The following FOXR1 variants were observed in gnomAD, a reference collection of about 807,000 sequenced individuals.
FOXR1 encodes forkhead box R1.
FOXR1 carries 25 observed loss-of-function variants against 34.5 expected under a neutral mutation model. The observed-to-expected ratio is 0.72, with a 90% CI of 0.53 to 1.01. FOXR1 has a LOEUF of 1.01. Among genes scored for constraint, FOXR1 ranks in the 50% least tolerant of loss-of-function variants. The pLI, the probability that FOXR1 is intolerant of heterozygous loss-of-function variation, is 0.00. For synonymous variants in FOXR1, 153 were observed against 141.6 expected (o/e 1.08, Z -0.57); for missense variants, 373 against 376.2 (o/e 0.99, Z 0.07).
At position 118,979,456 on chromosome 11, in the gene FOXR1, G is replaced by C. The variant is rs1260984763; in HGVS notation, c.399G>C (p.Glu133Asp). ...SPSTWELTEE[E>D]EAEDQEDSSS... is the part of the protein sequence containing the mutation. ...TGCTCCTCTAGCTCACAGAAGAGGA[G>C]GAGGCTGAGGACCAGGAAGACAGCT... Residue 133 changes from glutamate to aspartate, a missense_variant, in exon 4 of 6, where the codon GAG (glutamate) becomes GAC (aspartate). Coordinates refer to ENST00000317011, the MANE Select transcript of FOXR1 (RefSeq NM_181721.3). The C allele has an allele frequency of 6.2e-7, 1 of 1,608,904 alleles. No homozygotes were observed. The highest frequency in any genetic ancestry group is 2.2e-5 in the East Asian group (1 of 44,646).
At chr11:118,978,154 G>C (rs1010726803) in intron 1 of FOXR1, among the ~76,000 whole-genome samples, 3 of 151,844 alleles carry the variant, frequency 2.0e-5, no homozygotes, top group Non-Finnish European at 2.9e-5. Context: ...GGAGGCAGAG[G>C]TTGCAGTGAG....
chr11:118,971,777 C>G lies in FOXR1; in HGVS notation c.-155C>G. The stretch of plus-strand genomic sequence containing the variant: ...CGAGCCGGCGCATTTGAGAAGGCGC[C>G]TGTGAGGGTCGCTCCTCAGCCGCCG... On this transcript the variant is annotated 5_prime_UTR_variant, in exon 1 of 6. Transcript: ENST00000317011. 1 of 746,212 alleles carries G rather than the reference C, an allele frequency of 1.3e-6. No homozygotes were observed. Among genetic ancestry groups the G allele is most frequent in the Non-Finnish European group, 2.3e-6 (1 of 438,188 alleles). The allele number at this position is 746,212 out of a possible 1,614,324, so 46.2% of individuals were successfully genotyped here.
intron 1 of FOXR1, among the ~76,000 whole-genome samples, chr11:118,972,591 C>G (rs550874385): frequency 6.6e-6 from 1 of 150,698 alleles, no homozygotes; most frequent in South Asian, 2.1e-4. Flanking sequence ...ACCTTTTCGC[C>G]TGCAAGACCC....
In FOXR1 at chr11:118,981,246, G is replaced by A. The variant is rs782723490; in HGVS notation, c.*10G>A. The A allele has an allele frequency of 5.6e-6, 9 of 1,613,728 alleles. No individual in the cohort carries two copies. In the South Asian group the frequency reaches 8.8e-5, roughly 16 times the overall value. ...CCTCTTTGATCTTTAACCCCAAGAAGCAACAGCCAGCTAATGCTTTATTAA... is the reference window on the plus strand; with the variant it reads ...CCTCTTTGATCTTTAACCCCAAGAAACAACAGCCAGCTAATGCTTTATTAA... On this transcript the variant is annotated 3_prime_UTR_variant, in exon 6 of 6. Transcript: ENST00000317011.
intron 4 of FOXR1, chr11:118,980,130 A>C: frequency 2.0e-6 from 1 of 504,878 alleles, no homozygotes; most frequent in Non-Finnish European, 3.8e-6. Context: ...TGAGGAAGGG[A>C]GTTTCTTGGG....
At chr11:118,973,695 T>A (rs965665320) in intron 1 of FOXR1, among the ~76,000 whole-genome samples, 4 of 110,132 alleles carry the variant, frequency 3.6e-5, no homozygotes, top group Non-Finnish European at 6.1e-5. Context: ...GCACCCGGCC[T>A]TCTTTTTTTT....
intron 1 of FOXR1, among the ~76,000 whole-genome samples, chr11:118,977,321 C>G (rs992454591): frequency 6.6e-6 from 1 of 152,082 alleles, no homozygotes; most frequent in Non-Finnish European, 1.5e-5. Flanking sequence ...TGTGGGCCAC[C>G]GCACCTGGCC....
rs782380394 is a variant in FOXR1, at chr11:118,979,557, C to A, written c.500C>A (p.Ala167Glu). The A allele has an allele frequency of 1.2e-6, 2 of 1,613,478 alleles. No individual in the cohort carries two copies. The highest frequency in any genetic ancestry group is 1.7e-6 in the Non-Finnish European group (2 of 1,179,704). ...AGGCTTCGGCAAGCCAGCAGCCAGG[C>A]GGGGAGGCTCTGGTCCCGGCCCCCT... ...SRRLRQASSQ[A>E]GRLWSRPPLN... The change falls in exon 4 of 6, where the codon GCG (alanine) becomes GAG (glutamate). Residue 167 changes from alanine to glutamate, a missense_variant. Coordinates refer to ENST00000317011, the MANE Select transcript of FOXR1 (RefSeq NM_181721.3).
chr11:118,978,669 T>G (rs553578841), intron 1 of FOXR1, 113 bp from the exon 2 acceptor site: 7 of 1,077,548 alleles, frequency 6.5e-6, no homozygotes, highest in South Asian at 5.1e-5. Flanking sequence ...TGATGTTAAC[T>G]CCCAAGGCAG....
At chr11:118,980,447 C>T (rs1253614947) in intron 4 of FOXR1, 43 bp from the exon 5 acceptor site, 6 of 1,600,022 alleles carry the variant, frequency 3.7e-6, no homozygotes. Flanking sequence ...GGGCATTCCC[C>T]AGACATAACA....
Position 118,979,638 on chromosome 11 carries a change from T to C in FOXR1, c.581T>C (p.Leu194Pro). ...LALRNSSPCG[L>P]NVQQIYSFTR... Reference sequence around the variant, plus strand: ...TTAAGAAACAGTTCCCCCTGTGGCCTCAACGTGCAACAGATCTACAGTTTC... The same window carrying C: ...TTAAGAAACAGTTCCCCCTGTGGCCCCAACGTGCAACAGATCTACAGTTTC... Residue 194 changes from leucine (L) to proline (P), a missense_variant, in exon 4 of 6, where the codon CTC (leucine) becomes CCC (proline). Physicochemically the swap from Leu to Pro is moderately conservative, Grantham distance 98. Transcript: ENST00000317011. 6.2e-7 allele frequency: 1 copy of C among 1,609,312 alleles called. No individual in the cohort carries two copies. The highest frequency in any genetic ancestry group is 2.2e-5 in the East Asian group (1 of 44,580).
intron 1 of FOXR1, among the ~76,000 whole-genome samples, 178 bp downstream of exon 1, chr11:118,972,170 A>C (rs1405822220): frequency 5.9e-4 from 49 of 82,894 alleles, no homozygotes; most frequent in South Asian, 9.1e-4. Flanking sequence ...CCCCCGCTCC[A>C]CCCCCACTCG....
chr11:118,973,988 G>T (rs115472960), intron 1 of FOXR1, among the ~76,000 whole-genome samples: 5,340 of 152,160 alleles, frequency 0.035, 300 homozygotes, highest in African/African-American at 0.12. Flanking sequence ...GTGAGCCACC[G>T]CGCCAGGCCA....
rs1473763517 is a variant in FOXR1, at chr11:118,980,744, G to T, written c.850+16G>T. On this transcript the variant is annotated intron_variant, in intron 5 of 5. Transcript: ENST00000317011. The stretch of plus-strand genomic sequence containing the variant: ...AGCCAGCCAGGTGTGAAGACTTGTT[G>T]TGCGTGGGCCCAAGGGGAAGAGACC... 10 of 1,603,652 alleles carry T rather than the reference G, an allele frequency of 6.2e-6. No individual in the cohort carries two copies. Among genetic ancestry groups the T allele is most frequent in the Admixed American group, 3.3e-5 (2 of 59,754 alleles).
intron 1 of FOXR1, among the ~76,000 whole-genome samples, chr11:118,973,685 G>A (rs952839824): frequency 1.2e-4 from 17 of 147,474 alleles, no homozygotes; most frequent in African/African-American, 3.5e-4. Flanking sequence ...GTGAGCCACC[G>A]CACCCGGCCT....
At position 118,979,539 on chromosome 11, in the gene FOXR1, G is replaced by A. The variant is rs781949527; in HGVS notation, c.482G>A (p.Arg161Gln). 107 of 1,613,514 alleles carry A rather than the reference G, an allele frequency of 6.6e-5. No individual in the cohort carries two copies. Among genetic ancestry groups the A allele is most frequent in the Admixed American group, 2.8e-4 (17 of 59,930 alleles). Residue 161 changes from arginine to glutamine, a missense_variant, in exon 4 of 6, where the codon CGG (arginine) becomes CAG (glutamine). Physicochemically the swap from Arg to Gln is conservative, Grantham distance 43 (BLOSUM62 1). Transcript: ENST00000317011. The part of the protein sequence containing the change: ...KRAPLQSRRL[R>Q]QASSQAGRLW... ...GCCCCCCTCCAGAGTCGGAGGCTTC[G>A]GCAAGCCAGCAGCCAGGCGGGGAGG...
At chr11:118,977,003 T>A (rs895466925) in intron 1 of FOXR1, among the ~76,000 whole-genome samples, 1 of 152,100 alleles carries the variant, frequency 6.6e-6, no homozygotes, top group Non-Finnish European at 1.5e-5. Context: ...GTTTGTCTAT[T>A]TGTTTTTTGC....
intron 5 of FOXR1, 57 bp from the exon 6 acceptor site, chr11:118,981,151 G>A: frequency 1.3e-6 from 2 of 1,570,222 alleles, no homozygotes; most frequent in Non-Finnish European, 1.8e-6. Context: ...AGCATCCCAG[G>A]CCTAGGAAAC....
At chr11:118,981,054 A>G (rs940230208) in intron 5 of FOXR1, among the ~76,000 whole-genome samples, 154 bp from the exon 6 acceptor site, 1 of 152,192 alleles carries the variant, frequency 6.6e-6, no homozygotes. Context: ...GAGTACTTCT[A>G]CTTTCCCTGG....
Sources: gnomAD v4.1 joint callset for allele counts (sites outside exome capture counted in the v4.1 genomes callset) on GRCh38, gnomAD v4.1.1 for gene constraint, MANE v1.5 for transcripts, NCBI Gene and HGNC (gene_info 2026-07-23, HGNC 2026-07-21) for gene names.